Variants in ATP10B observed in about 807,000 individuals in gnomAD.
ATP10B encodes the protein ATPase phospholipid transporting 10B (putative).
Under a neutral mutation model 141.2 loss-of-function variants are expected in ATP10B, and 122 were observed. The observed-to-expected ratio is 0.86, with a 90% CI of 0.75 to 1.00. The LOEUF is 1.00. ATP10B is among the 50% of genes least tolerant of loss of function. The pLI, the probability that ATP10B is intolerant of heterozygous loss-of-function variation, is 0.00. For synonymous variants in ATP10B, 685 were observed against 692.0 expected (o/e 0.99, Z 0.16); for missense variants, 1,876 against 1,825.3 (o/e 1.03, Z -0.51).
intron 22 of ATP10B, among the ~76,000 whole-genome samples, chr5:160,595,927 G>A (rs1406948640): frequency 6.6e-6 from 1 of 151,942 alleles, no homozygotes; most frequent in Non-Finnish European, 1.5e-5. Flanking sequence ...AAGAGTCCAG[G>A]ACCAGATGGA....
chr5:160,865,487 G>A, the ATP10B span, among the ~76,000 whole-genome samples: 4 of 151,944 alleles, frequency 2.6e-5, no homozygotes, highest in African/African-American at 9.7e-5. Flanking sequence ...GATAACATTG[G>A]AAAATCTCTT....
chr5:160,876,662 A>T, the ATP10B span, among the ~76,000 whole-genome samples: 1 of 152,154 alleles, frequency 6.6e-6, no homozygotes, highest in Non-Finnish European at 1.5e-5. Flanking sequence ...GAAAAAAGAG[A>T]GTAGAATCAA....
At chr5:160,600,538 G>A (rs1440013848) in intron 21 of ATP10B, among the ~76,000 whole-genome samples, 2 of 152,160 alleles carry the variant, frequency 1.3e-5, no homozygotes, top group African/African-American at 4.8e-5. Context: ...CCCTGTTCCC[G>A]ACATACAGCA....
At chr5:160,761,084 T>C (rs1265244423) in intron 2 of ATP10B, among the ~76,000 whole-genome samples, 2 of 152,046 alleles carry the variant, frequency 1.3e-5, no homozygotes, top group South Asian at 2.1e-4. Context: ...AAAAGTACTT[T>C]TGGAGTACTC....
chr5:160,592,161 T>G (rs966375135), intron 22 of ATP10B, among the ~76,000 whole-genome samples: 7 of 152,188 alleles, frequency 4.6e-5, no homozygotes, highest in African/African-American at 1.4e-4. Flanking sequence ...TTAGTCTATT[T>G]GATACCAGCA....
intron 1 of ATP10B, among the ~76,000 whole-genome samples, chr5:160,825,690 A>C (rs1249794786): frequency 6.6e-6 from 1 of 152,082 alleles, no homozygotes; most frequent in Non-Finnish European, 1.5e-5. Context: ...AAAAAATTTG[A>C]CTTTCATTTT....
intron 10 of ATP10B, among the ~76,000 whole-genome samples, chr5:160,636,553 G>T (rs924890870): frequency 9.2e-5 from 14 of 152,204 alleles, no homozygotes; most frequent in African/African-American, 3.1e-4. Flanking sequence ...TACAAGAGGA[G>T]ATTGGCATGA....
At position 160,707,507 on chromosome 5, in the gene ATP10B, C is replaced by T. The variant is rs138731751; in HGVS notation, c.-205+9402G>A. ...TTAAATTGCAAGCAAATAAATTTCT[C>T]GATACAGACTTTCCATAGCCATGAG... On this transcript the variant is annotated intron_variant, in intron 3 of 25. Transcript: ENST00000327245. Among the ~76,000 whole-genome samples, 283 of 152,280 alleles carry T rather than the reference C, an allele frequency of 1.9e-3. 2 individuals carry two copies. Among genetic ancestry groups the T allele is most frequent in the African/African-American group, 6.4e-3 (267 of 41,546 alleles).
At chr5:160,653,921 A>T (rs10037331) in intron 7 of ATP10B, among the ~76,000 whole-genome samples, 1 of 63,878 alleles carries the variant, frequency 1.6e-5, no homozygotes, top group Non-Finnish European at 2.6e-5. Flanking sequence ...TACATATATA[A>T]ATATGTTGTA....
intron 11 of ATP10B, 98 bp downstream of exon 11, chr5:160,636,084 C>T: frequency 7.4e-7 from 1 of 1,353,910 alleles, no homozygotes; most frequent in Non-Finnish European, 9.9e-7. Flanking sequence ...CCAGTTTGTA[C>T]TTTCTAGTGG....
intron 2 of ATP10B, among the ~76,000 whole-genome samples, chr5:160,723,368 C>G (rs545773615): frequency 6.6e-6 from 1 of 152,298 alleles, no homozygotes; most frequent in East Asian, 1.9e-4. Flanking sequence ...GTGTTTAGTT[C>G]TCTGAAGGAA....
the ATP10B span, among the ~76,000 whole-genome samples, chr5:160,912,411 T>C: frequency 1.3e-5 from 1 of 78,000 alleles, no homozygotes; most frequent in African/African-American, 4.9e-5. Context: ...ACCCTGTTTC[T>C]ACCAAAAAAA....
the ATP10B span, among the ~76,000 whole-genome samples, chr5:160,901,023 GA>G: frequency 0.15 from 22,472 of 148,062 alleles, 1,959 homozygotes; most frequent in East Asian, 0.35. Context: ...GAAGTTGTAG[GA>G]AAATATCAAA....
chr5:160,767,407 TC>T (rs1769530247), intron 2 of ATP10B, among the ~76,000 whole-genome samples: 1 of 152,086 alleles, frequency 6.6e-6, no homozygotes, highest in Non-Finnish European at 1.5e-5. Flanking sequence ...GATATTTTCA[TC>T]CCCTTTTTCC....
upstream of ATP10B, among the ~76,000 whole-genome samples, chr5:160,853,589 C>A (rs1412248697): frequency 2.0e-5 from 3 of 152,118 alleles, no homozygotes; most frequent in Non-Finnish European, 4.4e-5. Flanking sequence ...GAGGCACATG[C>A]AATTTAGGAA....
chr5:160,573,128 G>A (rs920417584), intron 24 of ATP10B, among the ~76,000 whole-genome samples: 4 of 152,188 alleles, frequency 2.6e-5, no homozygotes, highest in Non-Finnish European at 5.9e-5. Context: ...ATTTTGATGT[G>A]GGGCCTTTTG....
At chr5:160,595,876 G>T (rs959891636) in intron 22 of ATP10B, among the ~76,000 whole-genome samples, 5 of 151,502 alleles carry the variant, frequency 3.3e-5, no homozygotes, top group Non-Finnish European at 7.4e-5. Context: ...CCAATAACAG[G>T]CTCTGAAATT....
At chr5:160,593,313 G>C (rs185919204) in intron 22 of ATP10B, among the ~76,000 whole-genome samples, 2 of 152,346 alleles carry the variant, frequency 1.3e-5, no homozygotes, top group African/African-American at 4.8e-5. Context: ...AACAGGGTCT[G>C]GATTGGACCT....
chr5:160,867,322 G>T, the ATP10B span, among the ~76,000 whole-genome samples: 1 of 152,048 alleles, frequency 6.6e-6, no homozygotes, highest in Non-Finnish European at 1.5e-5. Flanking sequence ...ATGACAGGTA[G>T]TTGTAATGGG....
Sources: gnomAD v4.1 joint callset for allele counts (sites outside exome capture counted in the v4.1 genomes callset) on GRCh38, gnomAD v4.1.1 for gene constraint, MANE v1.5 for transcripts, NCBI Gene and HGNC (gene_info 2026-07-23, HGNC 2026-07-21) for gene names.